The following TRDN variants were observed in gnomAD, a reference collection of about 807,000 sequenced individuals.
TRDN encodes triadin in skeletal muscle.
A neutral mutation model predicts 149.7 loss-of-function variants in TRDN; 161 were observed. The observed-to-expected ratio is 1.08, with a 90% CI of 0.95 to 1.23. TRDN has a LOEUF of 1.23. TRDN is among the 50% of genes most tolerant of loss of function. TRDN has a pLI of 0.00. For synonymous variants in TRDN, 294 were observed against 250.5 expected, an observed-to-expected ratio of 1.17 and a Z score of -1.64; for missense variants, 896 against 823.5, an observed-to-expected ratio of 1.09 and a Z score of -1.08.
At chr6:123,524,468 G>A (rs1011017032) in intron 5 of TRDN, among the ~76,000 whole-genome samples, 1 of 152,138 alleles carries the variant, frequency 6.6e-6, no homozygotes, top group African/African-American at 2.4e-5. Flanking sequence ...GGATATTCAT[G>A]ACATTCTTAA....
At chr6:123,439,604 G>A (rs1053091592) in intron 10 of TRDN, 1 of 152,172 alleles carries the variant, frequency 6.6e-6, no homozygotes, top group African/African-American at 2.4e-5. Context: ...TGCACCCAGA[G>A]GTTGCAGTAA....
intron 2 of TRDN, among the ~76,000 whole-genome samples, chr6:123,558,509 G>A (rs929571471): frequency 6.6e-6 from 1 of 151,992 alleles, no homozygotes; most frequent in Non-Finnish European, 1.5e-5. Context: ...TCCCAAATCA[G>A]TCAGCATTTA....
intron 24 of TRDN, among the ~76,000 whole-genome samples, chr6:123,291,138 T>A (rs543340496): frequency 6.6e-6 from 1 of 152,020 alleles, no homozygotes; most frequent in African/African-American, 2.4e-5. Flanking sequence ...GTCTGGGTGG[T>A]GGAGTGAGAC....
At chr6:123,254,957 G>T in intron 37 of TRDN, 124 bp downstream of exon 37, 1 of 629,272 alleles carries the variant, frequency 1.6e-6, no homozygotes, top group South Asian at 1.7e-5. Flanking sequence ...CACTTCCTCT[G>T]CTATTAAGAG....
At chr6:123,262,337 A>G (rs1199335647) in intron 33 of TRDN, among the ~76,000 whole-genome samples, 1 of 152,036 alleles carries the variant, frequency 6.6e-6, no homozygotes, top group African/African-American at 2.4e-5. Flanking sequence ...TTGAAAGTAG[A>G]TAAGAGAGAG....
chr6:123,283,983 C>CACATATATATATATATATATAT (rs1562244911), intron 24 of TRDN, among the ~76,000 whole-genome samples: 1 of 18,324 alleles, frequency 5.5e-5, no homozygotes, highest in African/African-American at 4.9e-4. Flanking sequence ...ACCAACATGG[C>CACATATATATATATATATATAT]ACATATATAT....
At chr6:123,626,764 A>T (rs1785692066) in intron 1 of TRDN, among the ~76,000 whole-genome samples, 1 of 152,032 alleles carries the variant, frequency 6.6e-6, no homozygotes. Flanking sequence ...AAAAATAAAA[A>T]AATTTGTAAT....
intron 12 of TRDN, chr6:123,437,502 C>T: frequency 4.4e-6 from 1 of 228,524 alleles, no homozygotes; most frequent in South Asian, 6.0e-5. Flanking sequence ...ACCTCCTGGG[C>T]TCAAGCAATG....
intron 9 of TRDN, chr6:123,489,066 C>T (rs1394639212): frequency 6.6e-6 from 1 of 152,088 alleles, no homozygotes; most frequent in African/African-American, 2.4e-5. Context: ...ATATTATCAC[C>T]TTAGCCTTGT....
intron 10 of TRDN, among the ~76,000 whole-genome samples, chr6:123,458,752 C>T (rs1382105301): frequency 1.3e-5 from 2 of 152,016 alleles, no homozygotes; most frequent in Non-Finnish European, 2.9e-5. Context: ...TCATGGCTGA[C>T]CTGCTCTTTA....
At chr6:123,576,729 T>C (rs1283189559) in intron 1 of TRDN, among the ~76,000 whole-genome samples, 1 of 151,970 alleles carries the variant, frequency 6.6e-6, no homozygotes, top group East Asian at 1.9e-4. Context: ...ATTCAGACCA[T>C]AGCAATGAAG....
At chr6:123,500,099 C>A (rs1778636454) in intron 8 of TRDN, among the ~76,000 whole-genome samples, 1 of 151,948 alleles carries the variant, frequency 6.6e-6, no homozygotes, top group Non-Finnish European at 1.5e-5. Context: ...GCCCAATGAA[C>A]TTCTAATTGC....
chr6:123,634,375 AGAC>A (rs1381129734), intron 1 of TRDN, among the ~76,000 whole-genome samples: 2 of 152,050 alleles, frequency 1.3e-5, no homozygotes, highest in Non-Finnish European at 2.9e-5. Context: ...CAGGAGTTTG[AGAC>A]TGCAGTGAGC....
chr6:123,586,851 G>T (rs1362091892), intron 1 of TRDN, among the ~76,000 whole-genome samples: 1 of 151,930 alleles, frequency 6.6e-6, no homozygotes, highest in African/African-American at 2.4e-5. Flanking sequence ...CGGGAAAGGG[G>T]TCGGGGCACA....
At chr6:123,367,029 G>A (rs1232415481) in intron 19 of TRDN, among the ~76,000 whole-genome samples, 1 of 152,120 alleles carries the variant, frequency 6.6e-6, no homozygotes, top group Non-Finnish European at 1.5e-5. Context: ...CTTCAAGAGA[G>A]ACAAAGAGAA....
chr6:123,267,581 C>G (rs1777056642), intron 32 of TRDN, 126 bp downstream of exon 32: 1 of 597,746 alleles, frequency 1.7e-6, no homozygotes, highest in African/African-American at 1.9e-5. Context: ...GATTACACTA[C>G]AAAACCACAG....
At chr6:123,515,118 G>A (rs1269489043) in intron 6 of TRDN, among the ~76,000 whole-genome samples, 3 of 151,666 alleles carry the variant, frequency 2.0e-5, no homozygotes, top group Non-Finnish European at 2.9e-5. Context: ...AAGAAAACAT[G>A]ACACCTTCAA....
chr6:123,440,374 C>A (rs1238369644), intron 10 of TRDN, among the ~76,000 whole-genome samples: 2 of 152,124 alleles, frequency 1.3e-5, no homozygotes, highest in Non-Finnish European at 2.9e-5. Flanking sequence ...TCCACTTCTT[C>A]TTTTCTAAAG....
At chr6:123,417,942 A>G (rs141462738) in intron 12 of TRDN, among the ~76,000 whole-genome samples, 3 of 152,276 alleles carry the variant, frequency 2.0e-5, no homozygotes, top group Non-Finnish European at 4.4e-5. Flanking sequence ...TGATGATCTG[A>G]ACCATTTCAG....
Sources: allele counts gnomAD v4.1 joint callset (sites outside exome capture counted in the v4.1 genomes callset), GRCh38; gene constraint gnomAD v4.1.1; transcripts MANE v1.5; gene names NCBI Gene and HGNC (gene_info 2026-07-23, HGNC 2026-07-21).